Variants in GPC6 observed in about 807,000 individuals in gnomAD.
The protein encoded by GPC6 is glypican 6, also known as glypican-6.
A neutral mutation model predicts 55.2 loss-of-function variants in GPC6; 14 were observed. That is an observed-to-expected ratio of 0.25 (90% CI 0.17 to 0.40). The LOEUF is 0.40. GPC6 is among the 10% of genes least tolerant of loss of function. GPC6 has a pLI of 1.00. For synonymous variants in GPC6, 278 were observed against 259.6 expected, an observed-to-expected ratio of 1.07 and a Z score of -0.68; for missense variants, 641 against 708.5, an observed-to-expected ratio of 0.90 and a Z score of 1.08.
At chr13:93,924,743 G>T (rs1352701036) in intron 3 of GPC6, among the ~76,000 whole-genome samples, 1 of 147,642 alleles carries the variant, frequency 6.8e-6, no homozygotes, top group Non-Finnish European at 1.5e-5. Context: ...GTAGAGTAAG[G>T]ATACCTATAC....
intron 4 of GPC6, among the ~76,000 whole-genome samples, chr13:94,183,815 C>T (rs1375894071): frequency 6.6e-6 from 1 of 152,134 alleles, no homozygotes; most frequent in Non-Finnish European, 1.5e-5. Flanking sequence ...GACACCAAAG[C>T]ATATGTCTAG....
intron 1 of GPC6, among the ~76,000 whole-genome samples, chr13:93,397,050 G>T (rs1187238903): frequency 6.6e-6 from 1 of 151,998 alleles, no homozygotes; most frequent in South Asian, 2.1e-4. Flanking sequence ...TCCAACCTTT[G>T]ACTATTGTAA....
intron 2 of GPC6, among the ~76,000 whole-genome samples, chr13:93,635,140 C>CT (rs879721283): frequency 0.033 from 4,829 of 145,566 alleles, 211 homozygotes; most frequent in African/African-American, 0.11. Context: ...CATAATACAG[C>CT]TTTTTTTTTT....
At chr13:93,309,199 G>A (rs1320408614) in intron 1 of GPC6, among the ~76,000 whole-genome samples, 1 of 152,082 alleles carries the variant, frequency 6.6e-6, no homozygotes, top group African/African-American at 2.4e-5. Context: ...TATGCTTTTT[G>A]AAAAGAATTT....
intron 2 of GPC6, among the ~76,000 whole-genome samples, chr13:93,598,094 A>C (rs1168379844): frequency 6.6e-6 from 1 of 152,196 alleles, no homozygotes; most frequent in African/African-American, 2.4e-5. Context: ...CAGTGAGCTG[A>C]GATCGTGCCA....
intron 4 of GPC6, among the ~76,000 whole-genome samples, chr13:94,213,659 G>A (rs1890148735): frequency 6.6e-6 from 1 of 152,094 alleles, no homozygotes; most frequent in African/African-American, 2.4e-5. Flanking sequence ...CAGCATCCCA[G>A]CCCCGGCTCA....
At chr13:93,555,005 G>A (rs1399777495) in intron 2 of GPC6, among the ~76,000 whole-genome samples, 5 of 152,150 alleles carry the variant, frequency 3.3e-5, no homozygotes, top group Non-Finnish European at 7.4e-5. Context: ...GAATATAAAC[G>A]ACTTGAACAT....
chr13:93,627,636 T>G (rs1036106032), intron 2 of GPC6, among the ~76,000 whole-genome samples: 5 of 152,230 alleles, frequency 3.3e-5, no homozygotes, highest in African/African-American at 1.2e-4. Context: ...ATTGTATTAC[T>G]TATGCATTTA....
chr13:93,730,196 T>C, intron 2 of GPC6, among the ~76,000 whole-genome samples: 1 of 152,138 alleles, frequency 6.6e-6, no homozygotes, highest in Non-Finnish European at 1.5e-5. Context: ...TCACATCAAC[T>C]TTCTCTGATT....
At chr13:93,422,536 A>C (rs948001796) in intron 1 of GPC6, among the ~76,000 whole-genome samples, 1 of 152,228 alleles carries the variant, frequency 6.6e-6, no homozygotes, top group Non-Finnish European at 1.5e-5. Flanking sequence ...AATCACCTAC[A>C]ATCTATTGAG....
chr13:93,455,622 A>T (rs1202227336), intron 1 of GPC6, among the ~76,000 whole-genome samples: 1 of 152,156 alleles, frequency 6.6e-6, no homozygotes. Flanking sequence ...AAAGATGGCA[A>T]GAAAATGATA....
At chr13:93,590,161 G>T (rs974811270) in intron 2 of GPC6, among the ~76,000 whole-genome samples, 1 of 152,172 alleles carries the variant, frequency 6.6e-6, no homozygotes, top group Non-Finnish European at 1.5e-5. Context: ...TTGCAATTAT[G>T]CTAGAGTTTG....
intron 2 of GPC6, among the ~76,000 whole-genome samples, chr13:93,665,739 C>G (rs1229436618): frequency 6.6e-6 from 1 of 152,228 alleles, no homozygotes; most frequent in African/African-American, 2.4e-5. Flanking sequence ...TTTTTGAGTA[C>G]TGAAGAAACG....
intron 3 of GPC6, among the ~76,000 whole-genome samples, chr13:93,989,631 G>C (rs555787308): frequency 1.2e-4 from 19 of 152,222 alleles, no homozygotes; most frequent in African/African-American, 4.6e-4. Flanking sequence ...AGATATACGT[G>C]CTATGCTGCC....
chr13:94,238,651 G>C (rs1394204844), intron 4 of GPC6, among the ~76,000 whole-genome samples: 1 of 152,144 alleles, frequency 6.6e-6, no homozygotes, highest in Non-Finnish European at 1.5e-5. Flanking sequence ...GAATTTTGAA[G>C]CCAGATTTTA....
intron 1 of GPC6, among the ~76,000 whole-genome samples, chr13:93,492,621 T>C (rs372264006): frequency 2.5e-4 from 37 of 150,416 alleles, no homozygotes; most frequent in Admixed American, 1.8e-3. Flanking sequence ...GGAATGCTTC[T>C]AGTTTTTGCC....
At chr13:93,259,959 T>C (rs1877085061) in intron 1 of GPC6, among the ~76,000 whole-genome samples, 1 of 152,112 alleles carries the variant, frequency 6.6e-6, no homozygotes, top group Non-Finnish European at 1.5e-5. Flanking sequence ...AACACATTTT[T>C]GAAGTTCCAG....
intron 4 of GPC6, among the ~76,000 whole-genome samples, chr13:94,093,154 C>T (rs1885550632): frequency 6.6e-6 from 1 of 151,936 alleles, no homozygotes. Flanking sequence ...TTTGTTTCCT[C>T]ATCTTTTGGT....
At chr13:94,126,671 A>C (rs1408610681) in intron 4 of GPC6, among the ~76,000 whole-genome samples, 1 of 152,144 alleles carries the variant, frequency 6.6e-6, no homozygotes, top group Non-Finnish European at 1.5e-5. Context: ...TAACAGGGGT[A>C]ATAGGAGGAG....
Sources: allele counts gnomAD v4.1 joint callset (sites outside exome capture counted in the v4.1 genomes callset), GRCh38; gene constraint gnomAD v4.1.1; transcripts MANE v1.5; gene names NCBI Gene and HGNC (gene_info 2026-07-23, HGNC 2026-07-21).